CNRIP1: variants seen among roughly 807,000 people sequenced by gnomAD.
The protein encoded by CNRIP1 is CB1 cannabinoid receptor-interacting protein 1.
In CNRIP1, 10 loss-of-function variants were observed where a neutral mutation model predicts 15.2. The observed-to-expected ratio is 0.66, with a 90% confidence interval of 0.41 to 1.12. The LOEUF (loss-of-function observed/expected upper bound fraction) is 1.12, where lower values mean the gene tolerates loss of function less well. CNRIP1 is among the 50% of genes most tolerant of loss of function. The probability of loss-of-function intolerance (pLI) is 0.00; values close to 1 mark genes in which losing one functional copy is unlikely to be tolerated. For synonymous variants in CNRIP1, 91 were observed against 83.2 expected, an observed-to-expected ratio of 1.09 and a Z score of -0.51; for missense variants, 211 against 214.7, an observed-to-expected ratio of 0.98 and a Z score of 0.11.
chr2:68,310,006 T>C (rs1364285759), intron 2 of CNRIP1, among the ~76,000 whole-genome samples: 1 of 152,220 alleles, frequency 6.6e-6, no homozygotes, highest in Non-Finnish European at 1.5e-5. Flanking sequence ...GTACATTCCC[T>C]AACCTCAGAA....
intron 2 of CNRIP1, among the ~76,000 whole-genome samples, chr2:68,299,586 G>C (rs758050240): frequency 2.0e-5 from 3 of 152,208 alleles, no homozygotes; most frequent in Non-Finnish European, 4.4e-5. Flanking sequence ...CTGAGAAATA[G>C]ATGTTTGTTG....
At position 68,306,776 on chromosome 2, in the gene CNRIP1, A is replaced by G. The variant is rs1041284358; in HGVS notation, c.330+10381T>C. Among the ~76,000 whole-genome samples, 4 of 109,178 alleles carry G rather than the reference A, an allele frequency of 3.7e-5. No homozygotes were observed. The Admixed American group carries it at 3.7e-4, about 10-fold the overall frequency. The allele number at this position is 109,178 out of a possible 152,430, so 71.6% of individuals were successfully genotyped here. A position where few individuals can be genotyped will look rare whatever the true frequency, so the allele number is the denominator to read the frequency against. On this transcript the variant is annotated intron_variant, in intron 2 of 2. Transcript: ENST00000263655. The stretch of plus-strand genomic sequence containing the variant: ...AGCATGGGTGACAGAGCAAGACTCC[A>G]TTAAAAAAAAAAAAAAAAATTACAA...
chr2:68,313,710 G>C (rs1401021112), intron 2 of CNRIP1, among the ~76,000 whole-genome samples: 1 of 152,130 alleles, frequency 6.6e-6, no homozygotes, highest in Non-Finnish European at 1.5e-5. Flanking sequence ...TATTGGGGTG[G>C]TGATTATATA....
chr2:68,295,054 G>A (rs975211040), intron 2 of CNRIP1, among the ~76,000 whole-genome samples: 1 of 152,126 alleles, frequency 6.6e-6, no homozygotes, highest in Non-Finnish European at 1.5e-5. Context: ...GCTATTTAGG[G>A]GATCTGGCAT....
intron 2 of CNRIP1, among the ~76,000 whole-genome samples, chr2:68,309,943 ATATTTACG>A (rs1299065515): frequency 1.3e-5 from 2 of 151,892 alleles, no homozygotes; most frequent in African/African-American, 4.9e-5. Flanking sequence ...TAGCTTCTTT[ATATTTACG>A]TATGTATGTA....
chr2:68,293,541 T>C lies in CNRIP1; in HGVS notation c.*321A>G. 1 of 1,031,956 alleles carries C rather than the reference T, an allele frequency of 9.7e-7. No individual in the cohort carries two copies. The highest frequency in any genetic ancestry group is 4.4e-5 in the South Asian group (1 of 22,924). 63.9% of individuals were successfully genotyped at this position (1,031,956 alleles called of 1,614,324 possible). A position where few individuals can be genotyped will look rare whatever the true frequency, so the allele number is the denominator to read the frequency against. ...AAAACACCAAAGTTAGTCAGTGGAA[T>C]GGTCAAGAGCAGGACAAGCCTGCCA... is the stretch of plus-strand genomic sequence containing the variant. On this transcript the variant is annotated 3_prime_UTR_variant, in exon 3 of 3. Transcript: ENST00000263655.
intron 1 of CNRIP1, 82 bp from the exon 2 acceptor site, chr2:68,317,389 G>A (rs935620107): frequency 2.7e-6 from 4 of 1,474,330 alleles, no homozygotes; most frequent in Non-Finnish European, 3.7e-6. Context: ...CTCTAGGCAG[G>A]AAACTTACAG....
In CNRIP1 at chr2:68,319,322, C is replaced by T; in HGVS notation, c.79G>A (p.Val27Met). 6.4e-7 allele frequency: 1 copy of T among 1,565,108 alleles called. No individual in the cohort carries two copies. The highest frequency in any genetic ancestry group is 2.1e-4 in the Middle Eastern group (1 of 4,652). Reference protein sequence around the residue: ...QPNDGPVFYKVDGQRFGQNRT... With the variant: ...QPNDGPVFYKMDGQRFGQNRT... The stretch of plus-strand genomic sequence containing the variant: ...TTCTGGCCGAAGCGCTGCCCGTCCA[C>T]CTTGTAAAAGACCGGGCCGTCATTA... Residue 27 changes from valine to methionine, a missense_variant, in exon 1 of 3, where the codon GTG (valine) becomes ATG (methionine). Physicochemically the swap from Val to Met is conservative, Grantham distance 21. Coordinates refer to ENST00000263655, the MANE Select transcript of CNRIP1 (RefSeq NM_015463.3).
Position 68,317,177 on chromosome 2 carries a change from G to C in CNRIP1, c.310C>G (p.Pro104Ala). 6.2e-7 allele frequency: 1 copy of C among 1,614,108 alleles called. No homozygotes were observed. The highest frequency in any genetic ancestry group is 1.1e-5 in the South Asian group (1 of 91,080). The change falls in exon 2 of 3, where the codon CCC becomes GCC. Residue 104 changes from proline (P) to alanine (A), a missense_variant. Physicochemically the swap from Pro to Ala is conservative, Grantham distance 27 (BLOSUM62 -1). Transcript: ENST00000263655. ...VTPTKSGERQ[P>A]IQITMPFTDI... is the part of the protein sequence containing the mutation. ...CTTACCGGCATGGTGATCTGGATGG[G>C]TTGCCGTTCTCCACTCTTCGTTGGG... is the stretch of plus-strand genomic sequence containing the variant.
At chr2:68,302,879 C>CG (rs1202316571) in intron 2 of CNRIP1, among the ~76,000 whole-genome samples, 26 of 140,262 alleles carry the variant, frequency 1.9e-4, no homozygotes, top group Non-Finnish European at 3.5e-4. Context: ...GACGGAGTCT[C>CG]CCTGTCGCCC....
chr2:68,319,227 C>G lies in CNRIP1; in HGVS notation c.174G>C (p.Gln58His). The G allele has an allele frequency of 6.5e-7, 1 of 1,545,694 alleles. No individual in the cohort carries two copies. Among genetic ancestry groups the G allele is most frequent in the Non-Finnish European group, 8.7e-7 (1 of 1,144,406 alleles). The change falls in exon 1 of 3, where the codon CAG becomes CAC. Residue 58 changes from glutamine to histidine, a missense_variant. Physicochemically the swap from Gln to His is conservative, Grantham distance 24. Coordinates refer to ENST00000263655, the MANE Select transcript of CNRIP1 (RefSeq NM_015463.3). ...ACCAGGCGCCCCGCACTCACTCGACCTGCAGCGTGCTGGGTTTAATCTTCA... is the reference window on the plus strand; with the variant it reads ...ACCAGGCGCCCCGCACTCACTCGACGTGCAGCGTGCTGGGTTTAATCTTCA... ...VEVKIKPSTL[Q>H]VENISIGGVL...
At chr2:68,292,051 T>G (rs1361744759), downstream of CNRIP1, among the ~76,000 whole-genome samples, 1 of 152,160 alleles carries the variant, frequency 6.6e-6, no homozygotes, top group Non-Finnish European at 1.5e-5. Flanking sequence ...CTTTTTATTT[T>G]AAATCTTTTA....
chr2:68,285,668 A>AAAAAAAAAAAAAAAAAAG (rs539747999), intron 2 of CNRIP1, among the ~76,000 whole-genome samples: 4 of 124,440 alleles, frequency 3.2e-5, no homozygotes, highest in Non-Finnish European at 4.9e-5. Context: ...AAAAAAAAAA[A>AAAAAAAAAAAAAAAAAAG]AAAAGAAAAG....
intron 2 of CNRIP1, among the ~76,000 whole-genome samples, chr2:68,302,444 C>T (rs1473837096): frequency 1.3e-5 from 2 of 152,336 alleles, no homozygotes; most frequent in Non-Finnish European, 1.5e-5. Flanking sequence ...TCTGGCCTTT[C>T]TCCTTGGAGG....
chr2:68,285,399 A>C (rs1671004629), intron 2 of CNRIP1, among the ~76,000 whole-genome samples: 1 of 152,230 alleles, frequency 6.6e-6, no homozygotes, highest in Non-Finnish European at 1.5e-5. Context: ...AATCAATCTT[A>C]AGGGATTTTG....
At chr2:68,310,103 G>A (rs578044812) in intron 2 of CNRIP1, among the ~76,000 whole-genome samples, 1 of 152,266 alleles carries the variant, frequency 6.6e-6, no homozygotes, top group South Asian at 2.1e-4. Context: ...CGAGGCAGGT[G>A]GATCACTTGA....
At chr2:68,307,864 C>G (rs1414165149) in intron 2 of CNRIP1, among the ~76,000 whole-genome samples, 1 of 152,046 alleles carries the variant, frequency 6.6e-6, no homozygotes, top group African/African-American at 2.4e-5. Flanking sequence ...AACAATCTTA[C>G]AATGTTAACA....
chr2:68,285,056 C>T (rs1030723988), intron 2 of CNRIP1, among the ~76,000 whole-genome samples: 5 of 152,168 alleles, frequency 3.3e-5, no homozygotes, highest in Non-Finnish European at 5.9e-5. Flanking sequence ...CAGCTTTAAG[C>T]CTGTCTTCCC....
chr2:68,311,013 AAG>A (rs1291011255), intron 2 of CNRIP1, among the ~76,000 whole-genome samples: 1 of 152,202 alleles, frequency 6.6e-6, no homozygotes, highest in African/African-American at 2.4e-5. Context: ...TAAAAAAAGA[AAG>A]AAAATTGAAC....
Sources: gnomAD v4.1 joint callset for allele counts (sites outside exome capture counted in the v4.1 genomes callset) on GRCh38, gnomAD v4.1.1 for gene constraint, MANE v1.5 for transcripts, NCBI Gene and HGNC (gene_info 2026-07-23, HGNC 2026-07-21) for gene names.